The following FLNB variants were observed in gnomAD, a reference collection of about 807,000 sequenced individuals.
FLNB encodes filamin B, also known as filamin-B.
FLNB carries 111 observed loss-of-function variants against 250.6 expected under a neutral mutation model. The observed-to-expected ratio is 0.44, with a 90% CI of 0.38 to 0.52. The LOEUF (loss-of-function observed/expected upper bound fraction) is 0.52. FLNB is among the 20% of genes least tolerant of loss of function. The pLI, the probability that FLNB is intolerant of heterozygous loss-of-function variation, is 0.00. For missense variants in FLNB, 2,869 were observed against 3,447.8 expected (o/e 0.83, Z 4.20); for synonymous variants, 1,302 against 1,372.1 (o/e 0.95, Z 1.13).
chr3:58,096,739 C>T (rs1393975559), intron 6 of FLNB, among the ~76,000 whole-genome samples: 1 of 152,162 alleles, frequency 6.6e-6, no homozygotes, highest in African/African-American at 2.4e-5. Context: ...GAACTCCTGA[C>T]CTCAAACTAT....
At position 58,027,734 on chromosome 3, in the gene FLNB, A is replaced by G. The variant is rs966752905; in HGVS notation, c.292+18878A>G. ...AAGGAACCACCTTTACTATTTTGCC[A>G]TATCCCACGGCTGTCTCTATTTCAT... is the stretch of plus-strand genomic sequence containing the variant. On this transcript the variant is annotated intron_variant, in intron 1 of 45. Coordinates refer to ENST00000295956, the MANE Select transcript of FLNB (RefSeq NM_001457.4). 4.6e-5 allele frequency among the ~76,000 whole-genome samples: 7 copies of G among 152,314 alleles called. No homozygotes were observed. In the East Asian group the frequency reaches 1.4e-3, roughly 29 times the overall value.
chr3:58,073,832 C>G (rs1404642580), intron 1 of FLNB, among the ~76,000 whole-genome samples: 2 of 152,138 alleles, frequency 1.3e-5, no homozygotes, highest in Non-Finnish European at 2.9e-5. Context: ...CTGACAGGTC[C>G]CAGCTTTTTA....
chr3:58,039,104 T>A (rs1409568444), intron 1 of FLNB, among the ~76,000 whole-genome samples: 1 of 149,706 alleles, frequency 6.7e-6, no homozygotes, highest in Non-Finnish European at 1.5e-5. Flanking sequence ...CATAGCTCAC[T>A]GCAGCCTTGA....
At position 58,121,283 on chromosome 3, in the gene FLNB, G is replaced by T; in HGVS notation, c.2906G>T (p.Arg969Met). Reference sequence around the variant, plus strand: ...GATCAGGAGTTCACCGTTGATACCAGGGGGGCAGGAGGCCAGGGGAAGCTG... The same window carrying T: ...GATCAGGAGTTCACCGTTGATACCATGGGGGCAGGAGGCCAGGGGAAGCTG... The part of the protein sequence containing the change: ...GKDQEFTVDT[R>M]GAGGQGKLDV... Residue 969 changes from arginine to methionine, a missense_variant, in exon 20 of 46, where the codon AGG (arginine) becomes ATG (methionine). By Grantham distance (91) the Arg-to-Met change is moderately conservative (BLOSUM62 -1). Coordinates refer to ENST00000295956, the MANE Select transcript of FLNB (RefSeq NM_001457.4). The T allele has an allele frequency of 1.2e-6, 2 of 1,614,154 alleles. No homozygotes were observed. The highest frequency in any genetic ancestry group is 1.6e-4 in the Middle Eastern group (1 of 6,062).
At chr3:58,107,365 A>T (rs906677835) in intron 12 of FLNB, among the ~76,000 whole-genome samples, 4 of 152,198 alleles carry the variant, frequency 2.6e-5, no homozygotes, top group Non-Finnish European at 4.4e-5. Context: ...AGTAGCACTT[A>T]GCACTTTTAT....
chr3:58,128,239 A>G (rs1412532359), intron 24 of FLNB, among the ~76,000 whole-genome samples: 2 of 152,090 alleles, frequency 1.3e-5, no homozygotes, highest in Admixed American at 6.5e-5. Flanking sequence ...CCCTTACCAC[A>G]TGGAAATGTG....
intron 38 of FLNB, chr3:58,152,803 A>C (rs774314540): frequency 7.8e-7 from 1 of 1,286,358 alleles, no homozygotes; most frequent in Non-Finnish European, 1.0e-6. Context: ...CGTGCCCCGC[A>C]TGCGGCCGCC....
At chr3:58,061,229 AATTCAATTAT>A (rs1261687471) in intron 1 of FLNB, among the ~76,000 whole-genome samples, 2 of 152,164 alleles carry the variant, frequency 1.3e-5, no homozygotes, top group African/African-American at 4.8e-5. Flanking sequence ...TACATAGATG[AATTCAATTAT>A]ATTACTTCTG....
At chr3:58,018,797 T>C (rs1402222481) in intron 1 of FLNB, among the ~76,000 whole-genome samples, 1 of 151,704 alleles carries the variant, frequency 6.6e-6, no homozygotes, top group Non-Finnish European at 1.5e-5. Flanking sequence ...GGATTACGAG[T>C]GTGAGCCATT....
rs568208495 is a variant in FLNB, at chr3:58,028,085, T to C, written c.292+19229T>C. On this transcript the variant is annotated intron_variant, in intron 1 of 45. Coordinates refer to ENST00000295956, the MANE Select transcript of FLNB (RefSeq NM_001457.4). ...TAGGAGAACTGGGAAGAGAATAACG[T>C]CTTTTTGTGATGCAAAGTGCCTGAG... is the stretch of plus-strand genomic sequence containing the variant. Among the ~76,000 whole-genome samples the C allele has an allele frequency of 2.0e-5, 3 of 152,308 alleles. No homozygotes were observed. In the South Asian group the frequency reaches 6.2e-4, roughly 32 times the overall value.
At chr3:58,096,101 C>T (rs745312071) in intron 5 of FLNB, 40 bp from the exon 6 acceptor site, 17 of 1,513,184 alleles carry the variant, frequency 1.1e-5, no homozygotes, top group Middle Eastern at 1.7e-4. Flanking sequence ...CTTACTCACA[C>T]CCGGCACCTT....
chr3:58,011,792 T>G (rs1036461172), intron 1 of FLNB, among the ~76,000 whole-genome samples: 3 of 152,362 alleles, frequency 2.0e-5, no homozygotes, highest in Admixed American at 6.5e-5. Flanking sequence ...ACTACTGCCC[T>G]ATCTCTAATG....
At chr3:58,017,500 G>A (rs921999319) in intron 1 of FLNB, among the ~76,000 whole-genome samples, 12 of 152,118 alleles carry the variant, frequency 7.9e-5, no homozygotes, top group African/African-American at 2.9e-4. Context: ...TGATCCGCCC[G>A]CTTTGGCCTC....
At chr3:58,149,394 G>A (rs13315997) in intron 36 of FLNB, 180 of 262,108 alleles carry the variant, frequency 6.9e-4, no homozygotes, top group African/African-American at 3.9e-3. Context: ...GAGAGGGCTG[G>A]AGAATTTCTG....
At chr3:58,077,546 T>C (rs1017088742) in intron 2 of FLNB, among the ~76,000 whole-genome samples, 1 of 152,170 alleles carries the variant, frequency 6.6e-6, no homozygotes, top group Non-Finnish European at 1.5e-5. Flanking sequence ...AATGAAGGAG[T>C]TGGTGCTTAG....
intron 1 of FLNB, among the ~76,000 whole-genome samples, chr3:58,009,909 C>T (rs1454430855): frequency 2.0e-5 from 3 of 152,114 alleles, no homozygotes; most frequent in African/African-American, 7.2e-5. Flanking sequence ...GGAGGCTTCC[C>T]AGAGGGCCAC....
At chr3:58,103,632 A>T (rs190313694) in intron 9 of FLNB, among the ~76,000 whole-genome samples, 1 of 152,294 alleles carries the variant, frequency 6.6e-6, no homozygotes, top group Admixed American at 6.5e-5. Context: ...TTATTGGGAA[A>T]TACTGAAATG....
intron 1 of FLNB, among the ~76,000 whole-genome samples, chr3:58,028,449 A>G (rs1006684761): frequency 6.6e-6 from 1 of 151,812 alleles, no homozygotes; most frequent in Non-Finnish European, 1.5e-5. Flanking sequence ...ATTCTAGAGA[A>G]GCTCTAAATA....
intron 32 of FLNB, among the ~76,000 whole-genome samples, 159 bp downstream of exon 32, chr3:58,143,772 C>G (rs954944115): frequency 2.1e-4 from 32 of 152,344 alleles, no homozygotes; most frequent in Middle Eastern, 3.4e-3. Flanking sequence ...GGGACCCTAG[C>G]AGGTCCAGCT....
Sources: gnomAD v4.1 joint callset for allele counts (sites outside exome capture counted in the v4.1 genomes callset) on GRCh38, gnomAD v4.1.1 for gene constraint, MANE v1.5 for transcripts, NCBI Gene and HGNC (gene_info 2026-07-23, HGNC 2026-07-21) for gene names.